The following FAR1 variants were observed in gnomAD, a reference collection of about 807,000 sequenced individuals.
FAR1 encodes fatty acyl-CoA reductase 1.
Under a neutral mutation model 61.1 loss-of-function variants are expected in FAR1, and 22 were observed. The observed-to-expected ratio is 0.36, with a 90% CI of 0.26 to 0.51. The LOEUF (loss-of-function observed/expected upper bound fraction) is 0.51, where lower values mean the gene tolerates loss of function less well. Among genes scored for constraint, FAR1 ranks in the 20% least tolerant of loss-of-function variants. The pLI, the probability that FAR1 is intolerant of heterozygous loss-of-function variation, is 0.95. For synonymous variants in FAR1, 206 were observed against 209.7 expected (o/e 0.98, Z 0.15); for missense variants, 359 against 626.9 (o/e 0.57, Z 4.56).
At chr11:13,678,727 T>C (rs1210445481) in intron 1 of FAR1, among the ~76,000 whole-genome samples, 1 of 152,058 alleles carries the variant, frequency 6.6e-6, no homozygotes, top group African/African-American at 2.4e-5. Context: ...AGTGGGTCTT[T>C]TTTTTGTTTT....
intron 3 of FAR1, among the ~76,000 whole-genome samples, chr11:13,705,680 A>G (rs1392889671): frequency 1.3e-5 from 2 of 152,218 alleles, no homozygotes; most frequent in Non-Finnish European, 2.9e-5. Flanking sequence ...AAGGAAGAAA[A>G]AAAAATGCAT....
At chr11:13,703,637 T>C (rs1318557982) in intron 3 of FAR1, among the ~76,000 whole-genome samples, 1 of 152,174 alleles carries the variant, frequency 6.6e-6, no homozygotes, top group African/African-American at 2.4e-5. Context: ...GAAATCCTAT[T>C]AGAGTTAAGA....
At position 13,703,269 on chromosome 11, in the gene FAR1, G is replaced by A. The variant is rs149131061; in HGVS notation, c.365+2777G>A. ...CACAATCATGGCTCACTGCAGCCTC[G>A]ACCTCCTGGGTTCAAGTGATCGTCC... On this transcript the variant is annotated intron_variant, in intron 3 of 11. Transcript: ENST00000354817. 9.0e-3 allele frequency among the ~76,000 whole-genome samples: 1,364 copies of A among 152,200 alleles called. 80 individuals carry two copies. Among genetic ancestry groups the A allele is most frequent in the Admixed American group, 0.08 (1,230 of 15,292 alleles).
At chr11:13,724,608 C>T (rs1848650638) in intron 10 of FAR1, among the ~76,000 whole-genome samples, 1 of 148,514 alleles carries the variant, frequency 6.7e-6, no homozygotes, top group African/African-American at 2.5e-5. Context: ...TCAAGAGTTT[C>T]TTTTTTCATC....
chr11:13,716,341 CAAACTT>C (rs1378255158), intron 9 of FAR1, among the ~76,000 whole-genome samples: 2 of 152,206 alleles, frequency 1.3e-5, no homozygotes, highest in African/African-American at 4.8e-5. Context: ...CAAATCATCT[CAAACTT>C]AGAAGCTAAA....
intron 1 of FAR1, among the ~76,000 whole-genome samples, chr11:13,677,308 T>C (rs949138299): frequency 4.6e-5 from 7 of 152,240 alleles, no homozygotes; most frequent in African/African-American, 1.7e-4. Context: ...GAAACAGATA[T>C]TAAGAATCCA....
At chr11:13,670,936 G>T (rs1847995166) in intron 1 of FAR1, among the ~76,000 whole-genome samples, 1 of 152,194 alleles carries the variant, frequency 6.6e-6, no homozygotes, top group East Asian at 1.9e-4. Context: ...AAAGGTTTGT[G>T]AAGAGTTATA....
intron 3 of FAR1, among the ~76,000 whole-genome samples, chr11:13,702,970 T>C (rs1052975835): frequency 1.3e-5 from 2 of 152,220 alleles, no homozygotes; most frequent in African/African-American, 4.8e-5. Context: ...AGGCATCTTA[T>C]GTATTACATT....
At chr11:13,725,533 C>T (rs1848659814) in intron 10 of FAR1, among the ~76,000 whole-genome samples, 1 of 151,094 alleles carries the variant, frequency 6.6e-6, no homozygotes, top group African/African-American at 2.4e-5. Flanking sequence ...TGAAAAGATA[C>T]TCAGCTTTAC....
intron 3 of FAR1, among the ~76,000 whole-genome samples, chr11:13,705,257 T>C (rs1365686120): frequency 6.6e-6 from 1 of 152,060 alleles, no homozygotes; most frequent in African/African-American, 2.4e-5. Flanking sequence ...ACTTCTGATA[T>C]AACATGTCAG....
chr11:13,711,780 T>G lies in FAR1; in HGVS notation c.740T>G (p.Phe247Cys). 6.2e-7 allele frequency: 1 copy of G among 1,600,712 alleles called. No homozygotes were observed. Among genetic ancestry groups the G allele is most frequent in the South Asian group, 1.1e-5 (1 of 88,718 alleles). The change falls in exon 6 of 12, where the codon TTT becomes TGT. Residue 247 changes from phenylalanine to cysteine, a missense_variant. Around this residue, in one of 2 missense-constraint regions of FAR1, gnomAD observed 344 missense variants for 570.3 expected, o/e 0.60. Transcript: ENST00000354817. The part of the protein sequence containing the change: ...KEPFPGWIDN[F>C]NGPSGLFIAA... ...TGGTATTAGGGATGGATTGATAACT[T>G]TAATGGACCAAGTGGTCTCTTTATT...
intron 9 of FAR1, among the ~76,000 whole-genome samples, chr11:13,718,723 A>G (rs939780609): frequency 1.6e-4 from 24 of 152,194 alleles, no homozygotes; most frequent in African/African-American, 5.5e-4. Context: ...TCTGTGGGTC[A>G]GGAATTCTAG....
intron 1 of FAR1, among the ~76,000 whole-genome samples, chr11:13,683,227 T>C (rs1848148023): frequency 6.6e-6 from 1 of 152,016 alleles, no homozygotes; most frequent in Admixed American, 6.6e-5. Context: ...ACCTCATCTC[T>C]ACTAAAAATA....
At chr11:13,690,152 C>T (rs1466398700) in intron 1 of FAR1, among the ~76,000 whole-genome samples, 1 of 152,162 alleles carries the variant, frequency 6.6e-6, no homozygotes, top group East Asian at 1.9e-4. Context: ...GCTGGGATTA[C>T]AGGTGTGAAC....
intron 4 of FAR1, 59 bp downstream of exon 4, chr11:13,708,138 C>A: frequency 7.9e-7 from 1 of 1,262,864 alleles, no homozygotes; most frequent in South Asian, 1.8e-5. Context: ...CCAAGGCGGG[C>A]GGATCATGAG....
In FAR1 at chr11:13,721,984, C is replaced by G; in HGVS notation, c.1257+125C>G. 3 of 734,932 alleles carry G rather than the reference C, an allele frequency of 4.1e-6. No individual in the cohort carries two copies. Among genetic ancestry groups the G allele is most frequent in the Non-Finnish European group, 6.2e-6 (3 of 482,912 alleles). The allele number at this position is 734,932 out of a possible 1,614,324, so 45.5% of individuals were successfully genotyped here. On this transcript the variant is annotated intron_variant, in intron 10 of 11. Transcript: ENST00000354817. The surrounding 1 kb of genome is among the most constrained non-coding windows in gnomAD (Gnocchi z 4.2). ...AAGTAAGCCATTATTTATAGTCTCT[C>G]ATAAAGCTTTAGTCATAATTGTTAG...
intron 1 of FAR1, among the ~76,000 whole-genome samples, chr11:13,673,826 A>T (rs999411209): frequency 2.6e-5 from 4 of 152,254 alleles, no homozygotes; most frequent in Non-Finnish European, 4.4e-5. Flanking sequence ...AGCATGGCAT[A>T]TGCCTGTAGT....
chr11:13,675,754 A>G (rs760514657), intron 1 of FAR1, among the ~76,000 whole-genome samples: 4 of 152,154 alleles, frequency 2.6e-5, no homozygotes, highest in Non-Finnish European at 4.4e-5. Context: ...AATGTTAACT[A>G]TTTGACAATT....
chr11:13,710,082 A>G (rs1848481047), intron 4 of FAR1, among the ~76,000 whole-genome samples: 1 of 152,024 alleles, frequency 6.6e-6, no homozygotes, highest in Non-Finnish European at 1.5e-5. Context: ...TCATCATAGC[A>G]TTTGTTAATC....
Sources: gnomAD v4.1 joint callset for allele counts (sites outside exome capture counted in the v4.1 genomes callset) on GRCh38, gnomAD v4.1.1 for gene constraint, gnomAD v4.1.1 regional missense constraint, Gnocchi (gnomAD v3.1) non-coding constraint, MANE v1.5 for transcripts, NCBI Gene and HGNC (gene_info 2026-07-23, HGNC 2026-07-21) for gene names.